Variants in FRYL observed in about 807,000 individuals in gnomAD.
FRYL encodes FRY like transcription coactivator.
Under a neutral mutation model 351.2 loss-of-function variants are expected in FRYL, and 150 were observed. The observed-to-expected ratio is 0.43, with a 90% CI of 0.37 to 0.49. The LOEUF (loss-of-function observed/expected upper bound fraction) is 0.49, where lower values mean the gene tolerates loss of function less well. FRYL is among the 20% of genes least tolerant of loss of function. The pLI is 0.00. For missense variants in FRYL, 3,036 were observed against 3,619.3 expected (o/e 0.84, Z 4.13); for synonymous variants, 1,153 against 1,257.1 (o/e 0.92, Z 1.75).
At chr4:48,767,964 T>C (rs1211670133) in intron 1 of FRYL, among the ~76,000 whole-genome samples, 4 of 152,210 alleles carry the variant, frequency 2.6e-5, no homozygotes, top group Non-Finnish European at 5.9e-5. Context: ...TCTGATTGAT[T>C]TGGAGTCAAA....
chr4:48,692,635 T>C (rs1231018834), intron 2 of FRYL, among the ~76,000 whole-genome samples: 1 of 152,196 alleles, frequency 6.6e-6, no homozygotes, highest in Non-Finnish European at 1.5e-5. Flanking sequence ...TCAGGTGATC[T>C]GCCTGCCTTG....
rs552645211 is a variant in FRYL, at chr4:48,553,295, A to G, written c.4355T>C (p.Val1452Ala). 1.9e-6 allele frequency: 3 copies of G among 1,613,540 alleles called. No individual in the cohort carries two copies. The African/African-American group carries it at 4.0e-5, about 22-fold the overall frequency. The change falls in exon 36 of 64, where the codon GTC (valine) becomes GCC (alanine). Residue 1452 changes from valine to alanine, a missense_variant. By Grantham distance (64) the Val-to-Ala change is moderately conservative (BLOSUM62 0). Around this residue, in one of 7 missense-constraint regions of FRYL, gnomAD observed 1,987 missense variants for 2,311.7 expected, o/e 0.86. Transcript: ENST00000358350. ...ATCCATGTGAGTGACCCCTGAACTG[A>G]CAGGATCGGTCAGCTGAAGCTCACT... The part of the protein sequence containing the change: ...LVSELQLTDP[V>A]SSGVTHMDNP...
chr4:48,544,087 A>G, intron 43 of FRYL, 90 bp from the exon 44 acceptor site: 1 of 1,077,430 alleles, frequency 9.3e-7, no homozygotes, highest in Non-Finnish European at 1.4e-6. Flanking sequence ...TAAAGCTAGC[A>G]GCTAGCACAC....
chr4:48,530,766 G>C (rs1167076666), intron 50 of FRYL, among the ~76,000 whole-genome samples: 1 of 152,120 alleles, frequency 6.6e-6, no homozygotes. Flanking sequence ...ATAGATGCCT[G>C]TCTAGAATTA....
chr4:48,733,858 C>T (rs1356584114), intron 1 of FRYL, among the ~76,000 whole-genome samples: 1 of 151,980 alleles, frequency 6.6e-6, no homozygotes, highest in Non-Finnish European at 1.5e-5. Context: ...ACTAAATGCA[C>T]ATTGCAAACT....
At chr4:48,775,076 G>A (rs1034110036) in intron 1 of FRYL, among the ~76,000 whole-genome samples, 4 of 152,058 alleles carry the variant, frequency 2.6e-5, no homozygotes, top group Non-Finnish European at 5.9e-5. Context: ...GAAATATTTC[G>A]CCCCACAGGA....
rs750734519 is a variant in FRYL at position 48,581,534 on chromosome 4, C to T, written c.2058G>A (p.Val686=). The T allele has an allele frequency of 5.6e-5, 91 of 1,613,954 alleles. No individual in the cohort carries two copies. Among genetic ancestry groups the T allele is most frequent in the East Asian group, 1.3e-4 (6 of 44,870 alleles). The change falls in exon 21 of 64, where the codon GTG becomes GTA. Residue 686 remains valine (V), a synonymous_variant. Coordinates refer to ENST00000358350, the MANE Select transcript of FRYL (RefSeq NM_015030.2). ...GAATGACAAGCGCAAAGCCTTCAAC[C>T]ACATGGAATACATTGGAATATGGGC... ...ERSPYSNVFH[V]VEGFALVILC... is the part of the protein sequence containing the mutation.
chr4:48,504,414 A>G (rs570014890), intron 60 of FRYL, among the ~76,000 whole-genome samples: 1 of 152,234 alleles, frequency 6.6e-6, no homozygotes, highest in Non-Finnish European at 1.5e-5. Context: ...GAGGGGATAT[A>G]AAAAAATCAC....
chr4:48,724,569 G>A (rs1232882786), intron 1 of FRYL, among the ~76,000 whole-genome samples: 3 of 152,210 alleles, frequency 2.0e-5, no homozygotes, highest in African/African-American at 7.2e-5. Flanking sequence ...AGCTCCAGGA[G>A]TTGGGTGCGG....
chr4:48,597,645 G>C (rs1014001045), intron 13 of FRYL, among the ~76,000 whole-genome samples: 3 of 151,994 alleles, frequency 2.0e-5, no homozygotes, highest in African/African-American at 7.2e-5. Context: ...CTTTCATATT[G>C]TTAAATTGTA....
intron 43 of FRYL, 34 bp from the exon 44 acceptor site, chr4:48,544,031 T>C (rs1280879120): frequency 1.3e-6 from 2 of 1,584,866 alleles, no homozygotes; most frequent in Admixed American, 1.7e-5. Context: ...AGGTTGTTCT[T>C]GTTCTTTAGA....
At chr4:48,725,049 C>T (rs1769929245) in intron 1 of FRYL, among the ~76,000 whole-genome samples, 1 of 152,206 alleles carries the variant, frequency 6.6e-6, no homozygotes, top group African/African-American at 2.4e-5. Context: ...TCCATTATCC[C>T]TCAAGATGAT....
chr4:48,663,644 G>T (rs1761207605), intron 3 of FRYL, among the ~76,000 whole-genome samples: 1 of 151,192 alleles, frequency 6.6e-6, no homozygotes, highest in Non-Finnish European at 1.5e-5. Context: ...GCGTGGTAGC[G>T]GGCGCCTGTA....
At chr4:48,612,527 A>T (rs1163781209) in intron 7 of FRYL, among the ~76,000 whole-genome samples, 2 of 103,726 alleles carry the variant, frequency 1.9e-5, no homozygotes, top group Non-Finnish European at 4.5e-5. Context: ...TGTGTGTGTG[A>T]CACCACATGC....
chr4:48,734,434 A>T (rs1247000168), intron 1 of FRYL, among the ~76,000 whole-genome samples: 1 of 152,224 alleles, frequency 6.6e-6, no homozygotes, highest in Admixed American at 6.5e-5. Flanking sequence ...AATTACATGG[A>T]AAAATAGATG....
intron 3 of FRYL, chr4:48,653,950 G>A: frequency 1.7e-6 from 2 of 1,197,784 alleles, no homozygotes; most frequent in Non-Finnish European, 1.1e-6. Context: ...TTACCATGCA[G>A]TCTTGCAGTG....
intron 53 of FRYL, 87 bp downstream of exon 53, chr4:48,527,390 C>T (rs1287922561): frequency 3.1e-5 from 34 of 1,083,704 alleles, no homozygotes; most frequent in Non-Finnish European, 4.1e-5. Context: ...CTTACACTGA[C>T]CTCAATAAGG....
At chr4:48,749,444 G>A (rs144365096) in intron 1 of FRYL, among the ~76,000 whole-genome samples, 1 of 152,306 alleles carries the variant, frequency 6.6e-6, no homozygotes, top group Non-Finnish European at 1.5e-5. Flanking sequence ...CGAAAGGACT[G>A]GGAGGAACTA....
intron 19 of FRYL, among the ~76,000 whole-genome samples, chr4:48,583,542 A>G (rs1201394918): frequency 6.6e-6 from 1 of 152,096 alleles, no homozygotes; most frequent in Non-Finnish European, 1.5e-5. Context: ...ATGCAACACA[A>G]TAATTATTGA....
Sources: allele counts gnomAD v4.1 joint callset (sites outside exome capture counted in the v4.1 genomes callset), GRCh38; gene constraint gnomAD v4.1.1; regional missense constraint gnomAD v4.1.1; transcripts MANE v1.5; gene names NCBI Gene and HGNC (gene_info 2026-07-23, HGNC 2026-07-21).